CNTNAP2: variants seen among roughly 807,000 people sequenced by gnomAD.
The protein encoded by CNTNAP2 is contactin-associated protein-like 2.
In CNTNAP2, 98 loss-of-function variants were observed where a neutral mutation model predicts 155.2. The ratio of observed to expected loss-of-function variants is 0.63; its 90% CI spans 0.54 to 0.75. The LOEUF is 0.75. Among genes scored for constraint, CNTNAP2 ranks in the 30% least tolerant of loss-of-function variants. The probability of loss-of-function intolerance (pLI) is 0.00; values close to 1 mark genes in which losing one functional copy is unlikely to be tolerated. For synonymous variants in CNTNAP2, 651 were observed against 631.2 expected (o/e 1.03, Z -0.47); for missense variants, 1,727 against 1,688.1 (o/e 1.02, Z -0.40).
chr7:146,679,072 C>T (rs1380933400), intron 1 of CNTNAP2, among the ~76,000 whole-genome samples: 1 of 152,102 alleles, frequency 6.6e-6, no homozygotes. Flanking sequence ...AAACTTGTGT[C>T]TTGGAGGCCT....
At chr7:148,062,028 A>AGTGTGTGTGTGT (rs199528714) in intron 15 of CNTNAP2, among the ~76,000 whole-genome samples, 6 of 106,018 alleles carry the variant, frequency 5.7e-5, no homozygotes, top group South Asian at 3.3e-4. Flanking sequence ...AGAGAGAGAG[A>AGTGTGTGTGTGT]GTGTGTGTGT....
intron 11 of CNTNAP2, among the ~76,000 whole-genome samples, chr7:147,528,647 C>T (rs983986392): frequency 3.3e-5 from 5 of 152,180 alleles, no homozygotes; most frequent in Admixed American, 3.3e-4. Flanking sequence ...AATGGCCTCT[C>T]TCTTCTGGTA....
intron 8 of CNTNAP2, among the ~76,000 whole-genome samples, chr7:147,229,497 A>ATAAG (rs1394726555): frequency 4.6e-5 from 7 of 152,218 alleles, no homozygotes; most frequent in Non-Finnish European, 1.0e-4. Flanking sequence ...CCTCTATACT[A>ATAAG]TAAGTTACAC....
chr7:148,105,275 G>A (rs1015389474), intron 15 of CNTNAP2, among the ~76,000 whole-genome samples: 10 of 152,176 alleles, frequency 6.6e-5, no homozygotes, highest in African/African-American at 1.9e-4. Flanking sequence ...CAAGTCCAAT[G>A]TGGTATATGA....
intron 3 of CNTNAP2, among the ~76,000 whole-genome samples, chr7:146,880,697 ACT>A (rs1406402281): frequency 2.0e-5 from 3 of 152,046 alleles, no homozygotes; most frequent in African/African-American, 7.2e-5. Flanking sequence ...CAAGTACAAA[ACT>A]CTGCTGTGCT....
At chr7:146,965,372 A>G (rs1797637539) in intron 3 of CNTNAP2, among the ~76,000 whole-genome samples, 1 of 149,746 alleles carries the variant, frequency 6.7e-6, no homozygotes, top group African/African-American at 2.5e-5. Context: ...GATGCTAGGA[A>G]CCAGTGTTGG....
intron 12 of CNTNAP2, among the ~76,000 whole-genome samples, chr7:147,619,268 A>G (rs1000331571): frequency 6.6e-6 from 1 of 152,238 alleles, no homozygotes; most frequent in African/African-American, 2.4e-5. Context: ...TGTTTGCATT[A>G]TATGCATAAA....
intron 12 of CNTNAP2, among the ~76,000 whole-genome samples, chr7:147,590,556 T>A (rs1800717937): frequency 6.6e-6 from 1 of 152,200 alleles, no homozygotes; most frequent in Non-Finnish European, 1.5e-5. Flanking sequence ...CAATTAAGCC[T>A]CTTTTCTTCA....
At chr7:147,880,852 T>TGG (rs959030960) in intron 13 of CNTNAP2, among the ~76,000 whole-genome samples, 4 of 103,834 alleles carry the variant, frequency 3.9e-5, no homozygotes, top group Admixed American at 1.0e-4. Flanking sequence ...TGATTGGAGT[T>TGG]GGGTGTGTGT....
At chr7:147,574,200 G>T (rs767653381) in intron 12 of CNTNAP2, among the ~76,000 whole-genome samples, 3 of 152,024 alleles carry the variant, frequency 2.0e-5, no homozygotes, top group Non-Finnish European at 2.9e-5. Flanking sequence ...CTTTATGAAT[G>T]CAATACCTTT....
chr7:148,314,809 T>A (rs1797658448), intron 21 of CNTNAP2, among the ~76,000 whole-genome samples: 1 of 152,018 alleles, frequency 6.6e-6, no homozygotes, highest in African/African-American at 2.4e-5. Context: ...CTCTGAAATG[T>A]GGGTGAATAA....
chr7:147,445,554 G>A (rs1797719877), intron 10 of CNTNAP2, among the ~76,000 whole-genome samples: 1 of 152,168 alleles, frequency 6.6e-6, no homozygotes. Context: ...TGAGGATAAA[G>A]GTGTTAGAAC....
At chr7:146,685,685 T>C (rs893281886) in intron 1 of CNTNAP2, among the ~76,000 whole-genome samples, 2 of 152,154 alleles carry the variant, frequency 1.3e-5, no homozygotes, top group Non-Finnish European at 1.5e-5. Context: ...TATTCTGTCC[T>C]GAGGTGCAAA....
At chr7:146,215,775 A>G (rs551012425) in intron 1 of CNTNAP2, among the ~76,000 whole-genome samples, 1 of 152,246 alleles carries the variant, frequency 6.6e-6, no homozygotes, top group Admixed American at 6.5e-5. Flanking sequence ...TATTTGTTGA[A>G]CTTATTGAAT....
chr7:147,510,192 G>T (rs1352380157), intron 11 of CNTNAP2, among the ~76,000 whole-genome samples: 1 of 152,076 alleles, frequency 6.6e-6, no homozygotes, highest in African/African-American at 2.4e-5. Flanking sequence ...CCTGTCTGGG[G>T]TTCTGCGTAT....
intron 3 of CNTNAP2, among the ~76,000 whole-genome samples, chr7:146,964,755 G>A (rs921019437): frequency 2.6e-5 from 4 of 152,074 alleles, no homozygotes; most frequent in African/African-American, 7.2e-5. Context: ...AGGCTTTATC[G>A]GTCAGCCAAA....
chr7:147,643,030 C>T (rs1302973797), intron 13 of CNTNAP2, among the ~76,000 whole-genome samples: 1 of 152,116 alleles, frequency 6.6e-6, no homozygotes, highest in African/African-American at 2.4e-5. Flanking sequence ...AATGGCCTTA[C>T]TCCCAGGCTT....
At chr7:148,038,808 G>A in intron 15 of CNTNAP2, among the ~76,000 whole-genome samples, 1 of 149,220 alleles carries the variant, frequency 6.7e-6, no homozygotes, top group East Asian at 2.0e-4. Flanking sequence ...AGAGAGAGAA[G>A]CAATAGGATG....
intron 15 of CNTNAP2, among the ~76,000 whole-genome samples, chr7:148,038,857 T>C (rs1161135447): frequency 6.6e-6 from 1 of 151,830 alleles, no homozygotes. Context: ...GATGGATGGA[T>C]GGATGGATGG....
Sources: gnomAD v4.1 joint callset for allele counts (sites outside exome capture counted in the v4.1 genomes callset) on GRCh38, gnomAD v4.1.1 for gene constraint, MANE v1.5 for transcripts, NCBI Gene and HGNC (gene_info 2026-07-23, HGNC 2026-07-21) for gene names.